The following NTM variants were observed in gnomAD, a reference collection of about 807,000 sequenced individuals.
The protein encoded by NTM is neurotrimin, also known as IgLON family member 2.
In NTM, 13 loss-of-function variants were observed where a neutral mutation model predicts 42.1. The ratio of observed to expected loss-of-function variants is 0.31; its 90% confidence interval spans 0.20 to 0.49. The LOEUF (loss-of-function observed/expected upper bound fraction) is 0.49, where lower values mean the gene tolerates loss of function less well. NTM is among the 20% of genes least tolerant of loss of function. The probability of loss-of-function intolerance (pLI) is 0.99; values close to 1 mark genes in which losing one functional copy is unlikely to be tolerated. For missense variants in NTM, 373 were observed against 452.8 expected, an observed-to-expected ratio of 0.82 and a Z score of 1.60; for synonymous variants, 187 against 179.2, an observed-to-expected ratio of 1.04 and a Z score of -0.35.
chr11:131,750,109 A>G (rs887134092), intron 1 of NTM, among the ~76,000 whole-genome samples: 12 of 152,176 alleles, frequency 7.9e-5, no homozygotes, highest in Admixed American at 6.5e-5. Context: ...CTTACACTCA[A>G]CGGAGAGAAA....
At chr11:132,194,060 C>G (rs1264594226) in intron 3 of NTM, among the ~76,000 whole-genome samples, 1 of 151,996 alleles carries the variant, frequency 6.6e-6, no homozygotes, top group African/African-American at 2.4e-5. Flanking sequence ...ACCAGTCATA[C>G]TGAAATTATT....
At chr11:131,568,187 TAAAC>T (rs1295871096) in intron 1 of NTM, among the ~76,000 whole-genome samples, 1 of 152,196 alleles carries the variant, frequency 6.6e-6, no homozygotes, top group Admixed American at 6.5e-5. Flanking sequence ...CCTCCAATCA[TAAAC>T]AGTAAACAAA....
intron 4 of NTM, among the ~76,000 whole-genome samples, chr11:132,258,805 A>G (rs928655465): frequency 1.3e-5 from 2 of 152,344 alleles, no homozygotes; most frequent in East Asian, 3.9e-4. Flanking sequence ...TCAAAAATTC[A>G]TAAGCACATT....
chr11:132,320,049 G>A (rs946034888), intron 7 of NTM, among the ~76,000 whole-genome samples: 10 of 152,228 alleles, frequency 6.6e-5, no homozygotes, highest in Non-Finnish European at 1.2e-4. Context: ...ACCTGCAGAT[G>A]AGGGTCCTGT....
chr11:131,811,746 A>T (rs73579927), intron 1 of NTM, among the ~76,000 whole-genome samples: 3,744 of 152,292 alleles, frequency 0.025, 153 homozygotes, highest in African/African-American at 0.086. Context: ...TGCCAATGGC[A>T]TTGACAGCAT....
intron 1 of NTM, chr11:131,910,769 C>T (rs933807698): frequency 7.5e-6 from 7 of 936,706 alleles, no homozygotes; most frequent in East Asian, 1.2e-4. Context: ...GCCTCTCCCT[C>T]CTCGGCCACC....
intron 1 of NTM, among the ~76,000 whole-genome samples, chr11:131,389,174 C>T (rs549593229): frequency 9.2e-5 from 14 of 152,320 alleles, no homozygotes; most frequent in Middle Eastern, 3.4e-3. Flanking sequence ...TGAGCAGCAA[C>T]GCTCTAGGAG....
intron 3 of NTM, among the ~76,000 whole-genome samples, chr11:132,191,964 A>T (rs563374976): frequency 9.8e-5 from 15 of 152,292 alleles, no homozygotes; most frequent in South Asian, 4.1e-4. Flanking sequence ...AGGCAAAAAA[A>T]TTTTTTTAAA....
rs2095374530 is a variant in NTM, at chr11:132,314,611, T to C, written c.842T>C (p.Ile281Thr). 1 of 1,614,012 alleles carries C rather than the reference T, an allele frequency of 6.2e-7. No individual in the cohort carries two copies. The highest frequency in any genetic ancestry group is 2.2e-5 in the East Asian group (1 of 44,880). ...AACAGACCTTTCCTCTCAAAACTCA[T>C]CTTCTTCAATGTCTCTGAACATGAC... ...VENRPFLSKL[I>T]FFNVSEHDYG... Residue 281 changes from isoleucine to threonine, a missense_variant, in exon 7 of 9, where the codon ATC (isoleucine) becomes ACC (threonine). Transcript: ENST00000683400.
Position 132,201,509 on chromosome 11 carries a change from G to A in NTM, c.401-10513G>A, listed in dbSNP as rs117596326. Among the ~76,000 whole-genome samples the A allele has an allele frequency of 4.2e-3, 637 of 152,314 alleles. 6 individuals carry two copies. Among genetic ancestry groups the A allele is most frequent in the South Asian group, 9.9e-3 (48 of 4,830 alleles). ...TCAAAGGATATGGCAAGGCTATGGC[G>A]GTTGGGAACTACAGGAATAGACAAT... is the stretch of plus-strand genomic sequence containing the variant. On this transcript the variant is annotated intron_variant, in intron 3 of 8. Coordinates refer to ENST00000683400, the MANE Select transcript of NTM (RefSeq NM_001352005.2).
Position 131,946,254 on chromosome 11 carries a change from C to T in NTM, c.167+34606C>T, listed in dbSNP as rs576231745. ...CTGATGACTGCTTCCTGCCTTTCCT[C>T]CTTAGCACACTTGGGCTGGACAGAC... is the stretch of plus-strand genomic sequence containing the variant. On this transcript the variant is annotated intron_variant, in intron 2 of 8. Coordinates refer to ENST00000683400, the MANE Select transcript of NTM (RefSeq NM_001352005.2). Among the ~76,000 whole-genome samples, 9 of 152,220 alleles carry T rather than the reference C, an allele frequency of 5.9e-5. No homozygotes were observed. The South Asian group carries it at 8.3e-4, about 14-fold the overall frequency.
intron 2 of NTM, among the ~76,000 whole-genome samples, chr11:131,993,491 AG>A (rs1323460755): frequency 6.6e-6 from 1 of 152,142 alleles, no homozygotes; most frequent in African/African-American, 2.4e-5. Context: ...AAATGCCTAC[AG>A]GGCCTCCAAT....
chr11:131,940,072 C>T (rs2059632257), intron 2 of NTM, among the ~76,000 whole-genome samples: 1 of 152,234 alleles, frequency 6.6e-6, no homozygotes, highest in Non-Finnish European at 1.5e-5. Flanking sequence ...CTGTGTAAAA[C>T]ACCTCCCTTC....
chr11:132,075,513 T>C (rs775405082), intron 2 of NTM, among the ~76,000 whole-genome samples: 2 of 152,196 alleles, frequency 1.3e-5, no homozygotes, highest in Non-Finnish European at 2.9e-5. Flanking sequence ...ATTTTGTCTT[T>C]TATTGGTTGT....
intron 2 of NTM, among the ~76,000 whole-genome samples, chr11:131,913,452 C>A (rs1376425186): frequency 6.6e-6 from 1 of 152,126 alleles, no homozygotes; most frequent in Admixed American, 6.5e-5. Context: ...AGGTAGTCTT[C>A]AAGGCTTATC....
intron 4 of NTM, among the ~76,000 whole-genome samples, chr11:132,251,834 AAG>A (rs1159031000): frequency 6.6e-6 from 1 of 152,186 alleles, no homozygotes; most frequent in Non-Finnish European, 1.5e-5. Flanking sequence ...TGGCTTGTCA[AAG>A]AGGGGAGGGC....
intron 1 of NTM, among the ~76,000 whole-genome samples, chr11:131,440,708 G>T (rs990823971): frequency 6.6e-6 from 1 of 151,344 alleles, no homozygotes; most frequent in African/African-American, 2.4e-5. Context: ...TCCCAGGAAA[G>T]CAGTTTAGCT....
At chr11:131,893,203 T>C (rs2051662135) in intron 1 of NTM, among the ~76,000 whole-genome samples, 1 of 152,200 alleles carries the variant, frequency 6.6e-6, no homozygotes, top group Admixed American at 6.5e-5. Flanking sequence ...CTCAATTGTT[T>C]AGGTGAAGTC....
chr11:132,304,889 C>T (rs974099825), intron 4 of NTM, among the ~76,000 whole-genome samples: 2 of 152,172 alleles, frequency 1.3e-5, no homozygotes, highest in Non-Finnish European at 2.9e-5. Flanking sequence ...GATTAAGCCT[C>T]ACTGTTCCTG....
Sources: gnomAD v4.1 joint callset for allele counts (sites outside exome capture counted in the v4.1 genomes callset) on GRCh38, gnomAD v4.1.1 for gene constraint, MANE v1.5 for transcripts, NCBI Gene and HGNC (gene_info 2026-07-23, HGNC 2026-07-21) for gene names.